Variants in ZNF578 observed in about 807,000 individuals in gnomAD.
The protein encoded by ZNF578 is Putative chemokine-related protein B42.
Under a neutral mutation model 8.3 loss-of-function variants are expected in ZNF578, and 8 were observed. The observed-to-expected ratio is 0.96, with a 90% CI of 0.56 to 1.74. The LOEUF (loss-of-function observed/expected upper bound fraction) is 1.74. Among genes scored for constraint, ZNF578 ranks in the 40% most tolerant of loss-of-function variants. The pLI is 0.00. For synonymous variants in ZNF578, 206 were observed against 232.2 expected (o/e 0.89, Z 1.03); for missense variants, 726 against 707.5 (o/e 1.03, Z -0.30).
intron 2 of ZNF578, among the ~76,000 whole-genome samples, chr19:52,483,223 CT>C (rs1808043845): frequency 1.3e-5 from 2 of 152,164 alleles, no homozygotes; most frequent in African/African-American, 4.8e-5. Context: ...CGAGACCAGC[CT>C]GACCAACATG....
Position 52,511,137 on chromosome 19 carries a change from C to G in ZNF578, c.756C>G (p.Ile252Met). Residue 252 changes from isoleucine to methionine, a missense_variant, in exon 6 of 6, where the codon ATC becomes ATG. Ile to Met is a conservative substitution (Grantham distance 10). Coordinates refer to ENST00000421239, the MANE Select transcript of ZNF578 (RefSeq NM_001099694.2). ...CSSFVRKHQI[I>M]HLGEKQYKFD... ...CATTTGTAAGGAAACATCAGATAAT[C>G]CATTTAGGAGAAAAACAATATAAAT... is the stretch of plus-strand genomic sequence containing the variant. 1 of 1,614,096 alleles carries G rather than the reference C, an allele frequency of 6.2e-7. No homozygotes were observed. The highest frequency in any genetic ancestry group is 8.5e-7 in the Non-Finnish European group (1 of 1,179,970).
At chr19:52,493,391 G>T (rs866809475) in intron 3 of ZNF578, among the ~76,000 whole-genome samples, 7 of 152,160 alleles carry the variant, frequency 4.6e-5, no homozygotes, top group Non-Finnish European at 8.8e-5. Flanking sequence ...CATTGGGCAG[G>T]TCCCAGGGGC....
intron 2 of ZNF578, among the ~76,000 whole-genome samples, chr19:52,489,162 C>T (rs1430449535): frequency 6.6e-6 from 1 of 151,608 alleles, no homozygotes; most frequent in African/African-American, 2.4e-5. Flanking sequence ...CCATCTACTC[C>T]GGAGGCTGAG....
chr19:52,486,195 C>G (rs927453323), intron 2 of ZNF578, among the ~76,000 whole-genome samples: 2 of 152,200 alleles, frequency 1.3e-5, no homozygotes, highest in African/African-American at 4.8e-5. Context: ...ATCAAAGGCA[C>G]AGCACTTTTT....
intron 2 of ZNF578, chr19:52,473,952 G>T (rs2059300062): frequency 2.8e-6 from 1 of 360,214 alleles, no homozygotes; most frequent in Non-Finnish European, 5.5e-6. Flanking sequence ...TGTGAATTGT[G>T]ACTAAAGATC....
chr19:52,485,342 A>G (rs1398636181), intron 2 of ZNF578, among the ~76,000 whole-genome samples: 1 of 152,174 alleles, frequency 6.6e-6, no homozygotes, highest in Non-Finnish European at 1.5e-5. Flanking sequence ...TAGAGTGCAG[A>G]GCATTTTGCA....
In ZNF578 at chr19:52,513,970, A is replaced by T. The variant is rs1226669789; in HGVS notation, c.*1816A>T. ...AACCTGGGAGGTAGAGGTTACAGCGAATCAAAACCGTGCCACTGTACTGCA... is the reference window on the plus strand; with the variant it reads ...AACCTGGGAGGTAGAGGTTACAGCGTATCAAAACCGTGCCACTGTACTGCA... On this transcript the variant is annotated 3_prime_UTR_variant, in exon 6 of 6. Transcript: ENST00000421239. Among the ~76,000 whole-genome samples, 1 of 152,126 alleles carries T rather than the reference A, an allele frequency of 6.6e-6. No homozygotes were observed. The highest frequency in any genetic ancestry group is 1.5e-5 in the Non-Finnish European group (1 of 68,034).
At position 52,511,582 on chromosome 19, in the gene ZNF578, T is replaced by G. The variant is rs1433365082; in HGVS notation, c.1201T>G (p.Cys401Gly). The G allele has an allele frequency of 6.2e-7, 1 of 1,613,322 alleles. No individual in the cohort carries two copies. Among genetic ancestry groups the G allele is most frequent in the East Asian group, 2.2e-5 (1 of 44,880 alleles). Residue 401 changes from cysteine (C) to glycine (G), a missense_variant, in exon 6 of 6, where the codon TGT becomes GGT. Cys to Gly is a radical substitution (Grantham distance 159). Coordinates refer to ENST00000421239, the MANE Select transcript of ZNF578 (RefSeq NM_001099694.2). The stretch of plus-strand genomic sequence containing the variant: ...TCATACTGGAGAGAAACCTTACAAG[T>G]GTAATGAATGTGGCAAGGCTTTTAA... ...AIHTGEKPYK[C>G]NECGKAFNQQ...
At chr19:52,500,441 T>C (rs2059402818) in intron 3 of ZNF578, among the ~76,000 whole-genome samples, 1 of 151,774 alleles carries the variant, frequency 6.6e-6, no homozygotes, top group African/African-American at 2.4e-5. Flanking sequence ...AAGTCCCATT[T>C]TGTCACCCAG....
At position 52,513,824 on chromosome 19, in the gene ZNF578, A is replaced by G. The variant is rs1019761002; in HGVS notation, c.*1670A>G. Among the ~76,000 whole-genome samples the G allele has an allele frequency of 6.6e-6, 1 of 152,122 alleles. No homozygotes were observed. Among genetic ancestry groups the G allele is most frequent in the African/African-American group, 2.4e-5 (1 of 41,416 alleles). Reference sequence around the variant, plus strand: ...GTGGATCATCTAAGATCAGAGTTCAAGAGCACCCTGGCTAACATGGTGAAA... The same window carrying G: ...GTGGATCATCTAAGATCAGAGTTCAGGAGCACCCTGGCTAACATGGTGAAA... On this transcript the variant is annotated 3_prime_UTR_variant, in exon 6 of 6. Coordinates refer to ENST00000421239, the MANE Select transcript of ZNF578 (RefSeq NM_001099694.2).
At position 52,481,562 on chromosome 19, in the gene ZNF578, A is replaced by G. The variant is rs961434418; in HGVS notation, c.-121-9762A>G. Among the ~76,000 whole-genome samples the G allele has an allele frequency of 5.9e-5, 9 of 152,140 alleles. No individual in the cohort carries two copies. The South Asian group carries it at 1.9e-3, about 32-fold the overall frequency. ...ACTTCCTATTTATAAGACATGTACA[A>G]TCTATAAATCTTGGCATCAGAGGTT... On this transcript the variant is annotated intron_variant, in intron 2 of 5. Coordinates refer to ENST00000421239, the MANE Select transcript of ZNF578 (RefSeq NM_001099694.2).
intron 2 of ZNF578, among the ~76,000 whole-genome samples, chr19:52,467,281 C>G (rs2059278235): frequency 6.6e-6 from 1 of 152,030 alleles, no homozygotes; most frequent in African/African-American, 2.4e-5. Context: ...AAAATGCTGA[C>G]TGTGATTACA....
At chr19:52,467,790 G>A (rs978057969) in intron 2 of ZNF578, among the ~76,000 whole-genome samples, 5 of 152,100 alleles carry the variant, frequency 3.3e-5, no homozygotes, top group Non-Finnish European at 2.9e-5. Context: ...CTATCAAGGT[G>A]TTTTGTGGAT....
chr19:52,459,753 A>G (rs12462110), intron 2 of ZNF578, among the ~76,000 whole-genome samples: 109 of 2,504 alleles, frequency 0.044, 3 homozygotes, highest in African/African-American at 0.081. Context: ...GTGTGTGTGT[A>G]TATATATATA....
chr19:52,512,233 TAGG>T lies in ZNF578; in HGVS notation c.*82_*84del, dbSNP rs1318736393. On this transcript the variant is annotated 3_prime_UTR_variant, in exon 6 of 6. Transcript: ENST00000421239. ...GTCACAGATCACGCCTTAAAAGACA[TAGG>T]AGAATTCATACTGGAGAGAAACCTT... 6.3e-7 allele frequency: 1 copy of T among 1,596,684 alleles called. No individual in the cohort carries two copies. Among genetic ancestry groups the T allele is most frequent in the Non-Finnish European group, 8.6e-7 (1 of 1,168,540 alleles).
rs148859685 is a variant in ZNF578, at chr19:52,511,326, C to A, written c.945C>A (p.Tyr315Ter). The A allele has an allele frequency of 6.2e-7, 1 of 1,614,004 alleles. No individual in the cohort carries two copies. Among genetic ancestry groups the A allele is most frequent in the African/African-American group, 1.3e-5 (1 of 74,976 alleles). ...HRRCHTGEKP[Y>*]KCNECGKSFS... Reference sequence around the variant, plus strand: ...GATGTCACACTGGTGAGAAACCTTACAAGTGTAATGAATGTGGAAAGTCCT... The same window carrying A: ...GATGTCACACTGGTGAGAAACCTTAAAAGTGTAATGAATGTGGAAAGTCCT... Residue 315 changes from tyrosine (Y) to a stop codon, truncating the protein, a stop_gained, in exon 6 of 6, where the codon TAC (tyrosine) becomes TAA (stop). Coordinates refer to ENST00000421239, the MANE Select transcript of ZNF578 (RefSeq NM_001099694.2). LOFTEE classifies it low-confidence loss of function (END_TRUNC).
chr19:52,472,180 C>T (rs973480588), intron 2 of ZNF578, among the ~76,000 whole-genome samples: 1 of 152,144 alleles, frequency 6.6e-6, no homozygotes, highest in Non-Finnish European at 1.5e-5. Context: ...CACCTGAGGC[C>T]ATGAGTTCGA....
chr19:52,498,446 C>T (rs1489593679), intron 3 of ZNF578, among the ~76,000 whole-genome samples: 1 of 151,718 alleles, frequency 6.6e-6, no homozygotes, highest in Admixed American at 6.6e-5. Context: ...ATTCTCCTGC[C>T]TCAGCCTCCG....
intron 2 of ZNF578, chr19:52,474,527 TA>T: frequency 3.3e-6 from 1 of 302,062 alleles, no homozygotes. Context: ...GAACTCTGAG[TA>T]AAGACCTTGT....
Sources: allele counts gnomAD v4.1 joint callset (sites outside exome capture counted in the v4.1 genomes callset), GRCh38; gene constraint gnomAD v4.1.1; transcripts MANE v1.5; gene names NCBI Gene and HGNC (gene_info 2026-07-23, HGNC 2026-07-21).